The following GRIP1 variants were observed in gnomAD, a reference collection of about 807,000 sequenced individuals.
The protein encoded by GRIP1 is glutamate receptor interacting protein 1.
A neutral mutation model predicts 129.9 loss-of-function variants in GRIP1; 45 were observed. That is an observed-to-expected ratio of 0.35 (90% confidence interval 0.27 to 0.44). The LOEUF (loss-of-function observed/expected upper bound fraction) is 0.44, where lower values mean the gene tolerates loss of function less well. Ranked by LOEUF, GRIP1 falls within the 20% of genes least tolerant of loss-of-function variation. The pLI, the probability that GRIP1 is intolerant of heterozygous loss-of-function variation, is 1.00. For missense variants in GRIP1, 1,196 were observed against 1,396.8 expected, an observed-to-expected ratio of 0.86 and a Z score of 2.29; for synonymous variants, 530 against 520.8, an observed-to-expected ratio of 1.02 and a Z score of -0.24.
chr12:66,704,065 ATAG>A (rs924906999), intron 1 of GRIP1, among the ~76,000 whole-genome samples: 3 of 152,158 alleles, frequency 2.0e-5, no homozygotes, highest in African/African-American at 7.2e-5. Context: ...TAAAAAGAAT[ATAG>A]TAGATGACAA....
At chr12:66,555,922 GA>G (rs1197248866) in intron 2 of GRIP1, among the ~76,000 whole-genome samples, 1 of 152,106 alleles carries the variant, frequency 6.6e-6, no homozygotes, top group Non-Finnish European at 1.5e-5. Flanking sequence ...ATTAGACCCA[GA>G]AAATAGCCTC....
At chr12:66,874,829 G>A (rs907327560) in intron 1 of GRIP1, among the ~76,000 whole-genome samples, 2 of 151,880 alleles carry the variant, frequency 1.3e-5, no homozygotes, top group East Asian at 3.9e-4. Context: ...TTCCCCAGTG[G>A]GAAAAACTGT....
chr12:66,973,453 C>T (rs1334485831), intron 1 of GRIP1, among the ~76,000 whole-genome samples: 1 of 149,704 alleles, frequency 6.7e-6, no homozygotes, highest in Non-Finnish European at 1.5e-5. Context: ...TTTGTAATTC[C>T]CCTGGTTCAG....
At chr12:66,350,624 C>CT (rs2054180001) in intron 24 of GRIP1, among the ~76,000 whole-genome samples, 1 of 152,206 alleles carries the variant, frequency 6.6e-6, no homozygotes, top group South Asian at 2.1e-4. Flanking sequence ...TATCCTAAAT[C>CT]TTTAACTCTG....
intron 9 of GRIP1, among the ~76,000 whole-genome samples, 179 bp downstream of exon 9, chr12:66,462,745 T>A (rs1161936984): frequency 2.3e-5 from 3 of 133,096 alleles, no homozygotes; most frequent in Non-Finnish European, 4.6e-5. Context: ...GAGGTTGGAG[T>A]CAACCGAGAT....
intron 1 of GRIP1, among the ~76,000 whole-genome samples, chr12:66,835,938 T>C (rs1167555553): frequency 1.3e-5 from 2 of 152,098 alleles, no homozygotes; most frequent in East Asian, 1.9e-4. Flanking sequence ...GGGAAATGTT[T>C]ATAATGGGGG....
intron 2 of GRIP1, among the ~76,000 whole-genome samples, chr12:66,550,411 G>T (rs968757552): frequency 6.6e-6 from 1 of 152,120 alleles, no homozygotes; most frequent in South Asian, 2.1e-4. Flanking sequence ...TATGCAAACT[G>T]CCAATTTTCT....
chr12:66,418,832 T>C (rs1337784743), intron 15 of GRIP1, among the ~76,000 whole-genome samples: 1 of 152,334 alleles, frequency 6.6e-6, no homozygotes, highest in East Asian at 1.9e-4. Context: ...GGAACCCTGG[T>C]ACACTGTTGA....
At chr12:66,680,391 GA>G (rs1240688209), upstream of GRIP1, among the ~76,000 whole-genome samples, 2 of 152,082 alleles carry the variant, frequency 1.3e-5, no homozygotes, top group East Asian at 3.9e-4. Flanking sequence ...ATTTGTGTGT[GA>G]AAAACATCTG....
At chr12:66,903,971 G>A (rs1029847620) in intron 1 of GRIP1, among the ~76,000 whole-genome samples, 1 of 152,182 alleles carries the variant, frequency 6.6e-6, no homozygotes, top group South Asian at 2.1e-4. Flanking sequence ...GCAGTGCAGT[G>A]TTTCTGCACC....
chr12:67,039,398 G>C (rs2043143646), intron 1 of GRIP1, among the ~76,000 whole-genome samples: 1 of 152,174 alleles, frequency 6.6e-6, no homozygotes, highest in Non-Finnish European at 1.5e-5. Flanking sequence ...AAGTATATGA[G>C]ATGAAAATAA....
At chr12:66,895,016 G>A (rs2040722091) in intron 1 of GRIP1, among the ~76,000 whole-genome samples, 1 of 152,148 alleles carries the variant, frequency 6.6e-6, no homozygotes, top group South Asian at 2.1e-4. Context: ...TGCACTCTGT[G>A]CTCCACCTGG....
chr12:67,030,902 T>C (rs2043012922), intron 1 of GRIP1, among the ~76,000 whole-genome samples: 1 of 152,146 alleles, frequency 6.6e-6, no homozygotes, highest in Admixed American at 6.6e-5. Flanking sequence ...AAAAATTTCT[T>C]CCTGTCATTT....
chr12:66,746,378 A>G (rs1416777191), intron 1 of GRIP1, among the ~76,000 whole-genome samples: 1 of 152,212 alleles, frequency 6.6e-6, no homozygotes, highest in African/African-American at 2.4e-5. Flanking sequence ...ATCTCCTGGA[A>G]GTTTGTTAGA....
intron 1 of GRIP1, among the ~76,000 whole-genome samples, chr12:66,654,696 G>A (rs1304315206): frequency 6.6e-6 from 1 of 152,168 alleles, no homozygotes; most frequent in Non-Finnish European, 1.5e-5. Flanking sequence ...GGGCTGTGGG[G>A]TCCTCAGATG....
intron 1 of GRIP1, among the ~76,000 whole-genome samples, chr12:67,006,652 T>G (rs1366430693): frequency 6.6e-6 from 1 of 152,196 alleles, no homozygotes. Flanking sequence ...TAATTTCTAA[T>G]GCACCTACGA....
chr12:66,401,651 CACACAT>C (rs1384410904), intron 16 of GRIP1, among the ~76,000 whole-genome samples: 4 of 148,666 alleles, frequency 2.7e-5, no homozygotes, highest in African/African-American at 7.6e-5. Flanking sequence ...CACACACACA[CACACAT>C]ATATCTCCTC....
At chr12:66,785,996 T>C (rs2038330865) in intron 1 of GRIP1, among the ~76,000 whole-genome samples, 1 of 152,130 alleles carries the variant, frequency 6.6e-6, no homozygotes, top group African/African-American at 2.4e-5. Flanking sequence ...GGTGGGAGGA[T>C]TGCTTGAGCC....
chr12:66,405,958 T>C (rs2057175187), intron 16 of GRIP1, among the ~76,000 whole-genome samples: 1 of 152,218 alleles, frequency 6.6e-6, no homozygotes, highest in Non-Finnish European at 1.5e-5. Flanking sequence ...TTGGTTATAG[T>C]TATGCCATAT....
Sources: allele counts gnomAD v4.1 joint callset (sites outside exome capture counted in the v4.1 genomes callset), GRCh38; gene constraint gnomAD v4.1.1; transcripts MANE v1.5; gene names NCBI Gene and HGNC (gene_info 2026-07-23, HGNC 2026-07-21).